The following DIAPH3 variants were observed in gnomAD, a reference collection of about 807,000 sequenced individuals.
DIAPH3 encodes the protein diaphanous related formin 3, also known as protein diaphanous homolog 3.
DIAPH3 carries 117 observed loss-of-function variants against 144.3 expected under a neutral mutation model. That is an observed-to-expected ratio of 0.81 (90% CI 0.70 to 0.95). The LOEUF (loss-of-function observed/expected upper bound fraction) is 0.95, where lower values mean the gene tolerates loss of function less well. Among genes scored for constraint, DIAPH3 ranks in the 40% least tolerant of loss-of-function variants. The pLI is 0.00. For missense variants in DIAPH3, 1,421 were observed against 1,412.7 expected (o/e 1.01, Z -0.09); for synonymous variants, 519 against 488.9 (o/e 1.06, Z -0.81).
Position 59,728,203 on chromosome 13 carries a change from C to A in DIAPH3, c.3319+45986G>T, listed in dbSNP as rs533717877. On this transcript the variant is annotated intron_variant, in intron 27 of 27. Transcript: ENST00000400324. ...TATCTGGTAAGGCTAGACACCCCCA[C>A]TGGTTACTCTTTTTATTTTTAATTG... Among the ~76,000 whole-genome samples, 21 of 152,102 alleles carry A rather than the reference C, an allele frequency of 1.4e-4. No homozygotes were observed. In the South Asian group the frequency reaches 2.9e-3, roughly 21 times the overall value.
At chr13:59,913,109 G>T (rs1839139998) in intron 19 of DIAPH3, among the ~76,000 whole-genome samples, 1 of 152,090 alleles carries the variant, frequency 6.6e-6, no homozygotes, top group Non-Finnish European at 1.5e-5. Flanking sequence ...TTGACAGCTG[G>T]ATTGTTAGAT....
chr13:60,151,368 C>T (rs755884144), intron 1 of DIAPH3, among the ~76,000 whole-genome samples: 2 of 152,130 alleles, frequency 1.3e-5, no homozygotes, highest in Non-Finnish European at 2.9e-5. Context: ...TATACAGACA[C>T]GTTTGAGTCT....
chr13:59,799,955 T>C (rs966120575), intron 25 of DIAPH3, among the ~76,000 whole-genome samples: 1 of 152,208 alleles, frequency 6.6e-6, no homozygotes, highest in Non-Finnish European at 1.5e-5. Context: ...TCTTGTACTT[T>C]ATTAAAGATT....
At chr13:59,687,186 A>G (rs1399063737) in intron 27 of DIAPH3, among the ~76,000 whole-genome samples, 1 of 152,116 alleles carries the variant, frequency 6.6e-6, no homozygotes, top group African/African-American at 2.4e-5. Flanking sequence ...GAAAACATTT[A>G]TGGTAATACC....
Position 59,991,266 on chromosome 13 carries a change from T to C in DIAPH3, c.1253A>G (p.Tyr418Cys), listed in dbSNP as rs1487277326. Residue 418 changes from tyrosine (Y) to cysteine (C), a missense_variant, in exon 12 of 28, where the codon TAT (tyrosine) becomes TGT (cysteine). Coordinates refer to ENST00000400324, the MANE Select transcript of DIAPH3 (RefSeq NM_001042517.2). ...EDIRAELDEA[Y>C]DVYNMVWSTV... ...GCTCCACACCATGTTGTAAACATCATATGCTTCAGTGAGTTGATTAAGGAA... is the reference window on the plus strand; with the variant it reads ...GCTCCACACCATGTTGTAAACATCACATGCTTCAGTGAGTTGATTAAGGAA... 3.1e-6 allele frequency: 5 copies of C among 1,597,296 alleles called. No individual in the cohort carries two copies. The highest frequency in any genetic ancestry group is 2.2e-5 in the East Asian group (1 of 44,654).
At chr13:60,115,376 G>C (rs988010748) in intron 2 of DIAPH3, among the ~76,000 whole-genome samples, 1 of 152,154 alleles carries the variant, frequency 6.6e-6, no homozygotes, top group Non-Finnish European at 1.5e-5. Context: ...CTCAAGAACT[G>C]CAAGAGATCA....
chr13:59,982,025 T>A (rs1566608237), intron 13 of DIAPH3, among the ~76,000 whole-genome samples: 1 of 151,494 alleles, frequency 6.6e-6, no homozygotes, highest in Non-Finnish European at 1.5e-5. Context: ...CTTGCCACAG[T>A]ATGTCAAATT....
intron 1 of DIAPH3, among the ~76,000 whole-genome samples, chr13:60,138,792 A>G (rs1395920067): frequency 8.0e-6 from 1 of 124,530 alleles, no homozygotes. Flanking sequence ...GAAGGGGAAG[A>G]GGGAAGAGGG....
chr13:59,712,816 A>G (rs2034821736), intron 27 of DIAPH3, among the ~76,000 whole-genome samples: 1 of 152,204 alleles, frequency 6.6e-6, no homozygotes, highest in Non-Finnish European at 1.5e-5. Flanking sequence ...ACTATGCACC[A>G]GAGGCAACCT....
At chr13:60,110,157 T>C (rs553254842) in intron 3 of DIAPH3, among the ~76,000 whole-genome samples, 17 of 152,206 alleles carry the variant, frequency 1.1e-4, no homozygotes, top group Non-Finnish European at 2.2e-4. Flanking sequence ...AGAGGTGTTC[T>C]TCAAAACAAA....
At chr13:59,713,538 T>G (rs943712417) in intron 27 of DIAPH3, among the ~76,000 whole-genome samples, 3 of 152,186 alleles carry the variant, frequency 2.0e-5, no homozygotes, top group Non-Finnish European at 4.4e-5. Flanking sequence ...CTGAACAATT[T>G]AAGCAGTGGA....
At chr13:59,879,200 A>G (rs750205951) in intron 21 of DIAPH3, 29 bp downstream of exon 21, 2 of 1,613,240 alleles carry the variant, frequency 1.2e-6, no homozygotes, top group Non-Finnish European at 1.7e-6. Flanking sequence ...TGTTCAGGCA[A>G]ATATGTGTTT....
At chr13:59,918,944 C>CAAAAAAA (rs34985752) in intron 18 of DIAPH3, among the ~76,000 whole-genome samples, 3 of 117,476 alleles carry the variant, frequency 2.6e-5, no homozygotes, top group African/African-American at 1.0e-4. Context: ...CAAGAAAATA[C>CAAAAAAA]AAAAAAAAAA....
At chr13:60,083,985 T>C (rs2057658414) in intron 4 of DIAPH3, among the ~76,000 whole-genome samples, 1 of 147,832 alleles carries the variant, frequency 6.8e-6, no homozygotes, top group African/African-American at 2.5e-5. Flanking sequence ...GAGGATGCAC[T>C]TTTGAGTGAT....
rs537069880 is a variant in DIAPH3, at chr13:60,163,918, C to T, written c.-152G>A. 328 of 1,007,706 alleles carry T rather than the reference C, an allele frequency of 3.3e-4. No individual in the cohort carries two copies. The highest frequency in any genetic ancestry group is 4.3e-4 in the Non-Finnish European group (307 of 710,112). 62.4% of individuals were successfully genotyped at this position (1,007,706 alleles called of 1,614,324 possible). ...CCAACCGCTGAAGTCGGGGCCGCAG[C>T]CAACACATCTGAAAACTCCCGCCAC... On this transcript the variant is annotated 5_prime_UTR_variant, in exon 1 of 28. The change creates a premature stop within an existing upstream ORF in the 5' untranslated region. Transcript: ENST00000400324.
chr13:59,882,355 G>T (rs2045117247), intron 20 of DIAPH3, among the ~76,000 whole-genome samples: 1 of 152,194 alleles, frequency 6.6e-6, no homozygotes, highest in Non-Finnish European at 1.5e-5. Context: ...TTCCCAAAGT[G>T]CTGGGATTAC....
intron 1 of DIAPH3, among the ~76,000 whole-genome samples, chr13:60,148,034 A>G (rs768681718): frequency 2.6e-5 from 4 of 152,212 alleles, no homozygotes; most frequent in Non-Finnish European, 4.4e-5. Context: ...GGCAAGTGCT[A>G]TAAGTACCCA....
intron 1 of DIAPH3, among the ~76,000 whole-genome samples, chr13:60,135,047 T>C (rs1479420035): frequency 1.3e-5 from 2 of 151,932 alleles, no homozygotes; most frequent in Admixed American, 6.6e-5. Context: ...AAAATAAAAC[T>C]AGACAGGAAA....
intron 24 of DIAPH3, among the ~76,000 whole-genome samples, chr13:59,811,721 A>C (rs2072208042): frequency 7.1e-6 from 1 of 141,144 alleles, no homozygotes; most frequent in Admixed American, 7.2e-5. Flanking sequence ...TGGGCGACAG[A>C]GCAAGACTCT....
Sources: gnomAD v4.1 joint callset for allele counts (sites outside exome capture counted in the v4.1 genomes callset) on GRCh38, gnomAD v4.1.1 for gene constraint, MANE v1.5 for transcripts, NCBI Gene and HGNC (gene_info 2026-07-23, HGNC 2026-07-21) for gene names.